The following KHDRBS2 variants were observed in gnomAD, a reference collection of about 807,000 sequenced individuals.
KHDRBS2 encodes KH domain-containing, RNA-binding, signal transduction-associated protein 2.
In KHDRBS2, 26 loss-of-function variants were observed where a neutral mutation model predicts 44.3. The ratio of observed to expected loss-of-function variants is 0.59; its 90% CI spans 0.43 to 0.81. KHDRBS2 has a LOEUF of 0.81. KHDRBS2 is among the 40% of genes least tolerant of loss of function. The pLI, the probability that KHDRBS2 is intolerant of heterozygous loss-of-function variation, is 0.00. For missense variants in KHDRBS2, 476 were observed against 433.1 expected, an observed-to-expected ratio of 1.10 and a Z score of -0.88; for synonymous variants, 194 against 151.1, an observed-to-expected ratio of 1.28 and a Z score of -2.08.
intron 6 of KHDRBS2, among the ~76,000 whole-genome samples, chr6:61,805,323 A>C (rs1435114810): frequency 6.6e-6 from 1 of 152,160 alleles, no homozygotes; most frequent in Non-Finnish European, 1.5e-5. Context: ...ACCTCAGCCT[A>C]AATTTCATTG....
At chr6:62,221,411 A>G (rs1830872587) in intron 1 of KHDRBS2, among the ~76,000 whole-genome samples, 1 of 152,200 alleles carries the variant, frequency 6.6e-6, no homozygotes, top group South Asian at 2.1e-4. Context: ...ATAGTTACTA[A>G]TACTGTATTC....
the KHDRBS2 span, among the ~76,000 whole-genome samples, chr6:61,564,208 C>A: frequency 9.2e-5 from 14 of 152,164 alleles, no homozygotes; most frequent in Admixed American, 3.9e-4. Context: ...CATTTAAGTT[C>A]AATTTAATGG....
the KHDRBS2 span, among the ~76,000 whole-genome samples, chr6:61,616,061 G>T: frequency 1.1e-4 from 17 of 152,232 alleles, no homozygotes; most frequent in African/African-American, 3.9e-4. Flanking sequence ...TCCTGAGTTA[G>T]ACAGATTATA....
intron 1 of KHDRBS2, among the ~76,000 whole-genome samples, chr6:62,223,433 CTGCCGTGAAGACCTAGACT>C (rs1831236594): frequency 6.6e-6 from 1 of 152,210 alleles, no homozygotes; most frequent in African/African-American, 2.4e-5. Flanking sequence ...ATGGGAGGGG[CTGCCGTGAAGACCTAGACT>C]TGCCCTAAGG....
At chr6:62,132,389 C>T (rs1411854940) in intron 2 of KHDRBS2, among the ~76,000 whole-genome samples, 2 of 152,070 alleles carry the variant, frequency 1.3e-5, no homozygotes, top group Admixed American at 6.6e-5. Context: ...TCATTACCTC[C>T]TGGGAACTTA....
chr6:61,616,403 G>C, the KHDRBS2 span, among the ~76,000 whole-genome samples: 1 of 150,710 alleles, frequency 6.6e-6, no homozygotes, highest in Middle Eastern at 3.5e-3. Context: ...AAATGAAATG[G>C]GATGACCCTA....
chr6:61,724,395 A>C (rs796204115), intron 7 of KHDRBS2, among the ~76,000 whole-genome samples: 20 of 152,312 alleles, frequency 1.3e-4, no homozygotes, highest in African/African-American at 4.6e-4. Flanking sequence ...ACTATGAAGC[A>C]ACCATGTGAA....
At chr6:61,957,576 G>C (rs1199401000) in intron 4 of KHDRBS2, among the ~76,000 whole-genome samples, 1 of 152,152 alleles carries the variant, frequency 6.6e-6, no homozygotes, top group Admixed American at 6.5e-5. Context: ...AGTGCTCCCA[G>C]GCTCATTAGG....
At chr6:61,596,196 C>A in the KHDRBS2 span, among the ~76,000 whole-genome samples, 2 of 152,082 alleles carry the variant, frequency 1.3e-5, no homozygotes, top group Admixed American at 6.5e-5. Flanking sequence ...TTCAGGGGAG[C>A]CCAGCAGGCA....
At chr6:62,101,006 A>AAT (rs2127372992) in intron 2 of KHDRBS2, among the ~76,000 whole-genome samples, 1 of 152,310 alleles carries the variant, frequency 6.6e-6, no homozygotes, top group South Asian at 2.1e-4. Context: ...ACAGGCAGAA[A>AAT]ATCTATCTCT....
chr6:61,902,685 A>G (rs903545963), intron 4 of KHDRBS2, among the ~76,000 whole-genome samples: 8 of 152,168 alleles, frequency 5.3e-5, no homozygotes, highest in Non-Finnish European at 8.8e-5. Context: ...AGTTAACACT[A>G]TATTTGTAGA....
At chr6:62,091,055 T>C (rs184098919) in intron 2 of KHDRBS2, among the ~76,000 whole-genome samples, 139 of 152,290 alleles carry the variant, frequency 9.1e-4, no homozygotes, top group African/African-American at 3.2e-3. Context: ...CATTGCAACC[T>C]AGCTGTTGCT....
intron 6 of KHDRBS2, among the ~76,000 whole-genome samples, chr6:61,751,874 T>C (rs1777747660): frequency 6.8e-6 from 1 of 148,102 alleles, no homozygotes; most frequent in Non-Finnish European, 1.5e-5. Context: ...GAGACCTCTC[T>C]CCTCAGCTTG....
intron 6 of KHDRBS2, among the ~76,000 whole-genome samples, chr6:61,836,833 T>C (rs971668668): frequency 2.0e-5 from 3 of 152,068 alleles, no homozygotes; most frequent in African/African-American, 7.2e-5. Context: ...ATATTACTTT[T>C]GGAGGCCAAA....
intron 6 of KHDRBS2, among the ~76,000 whole-genome samples, chr6:61,786,695 A>C (rs1783870508): frequency 6.6e-6 from 1 of 151,904 alleles, no homozygotes; most frequent in Admixed American, 6.6e-5. Context: ...GAAAAAAGTG[A>C]AGATCTTAAA....
chr6:62,190,400 T>C (rs1210102010), intron 1 of KHDRBS2, among the ~76,000 whole-genome samples: 2 of 152,136 alleles, frequency 1.3e-5, no homozygotes, highest in East Asian at 1.9e-4. Flanking sequence ...CCCTGGTTCA[T>C]TGCCTTCCTG....
chr6:61,863,925 T>C (rs1297681039), intron 6 of KHDRBS2, among the ~76,000 whole-genome samples: 3 of 152,174 alleles, frequency 2.0e-5, no homozygotes, highest in Non-Finnish European at 1.5e-5. Flanking sequence ...CTAAGTCTCT[T>C]TGTAGGTCTC....
chr6:62,075,151 CAT>C (rs1796086566), intron 2 of KHDRBS2, among the ~76,000 whole-genome samples: 1 of 151,812 alleles, frequency 6.6e-6, no homozygotes, highest in Non-Finnish European at 1.5e-5. Context: ...TCCCAAAATT[CAT>C]ATGTTGAAAC....
intron 4 of KHDRBS2, among the ~76,000 whole-genome samples, chr6:61,914,550 C>A (rs1285701777): frequency 6.6e-6 from 1 of 151,760 alleles, no homozygotes; most frequent in Non-Finnish European, 1.5e-5. Flanking sequence ...AGGAGATATA[C>A]CTAATGTAAA....
Sources: gnomAD v4.1 joint callset for allele counts (sites outside exome capture counted in the v4.1 genomes callset) on GRCh38, gnomAD v4.1.1 for gene constraint, MANE v1.5 for transcripts, NCBI Gene and HGNC (gene_info 2026-07-23, HGNC 2026-07-21) for gene names.